DPH6: variants seen among roughly 807,000 people sequenced by gnomAD.
DPH6 encodes the protein diphthamine biosynthesis 6.
Under a neutral mutation model 38.2 loss-of-function variants are expected in DPH6, and 33 were observed. The observed-to-expected ratio is 0.86, with a 90% CI of 0.65 to 1.15. DPH6 has a LOEUF of 1.15. Ranked by LOEUF, DPH6 falls within the 50% of genes most tolerant of loss-of-function variation. DPH6 has a pLI of 0.00. For synonymous variants in DPH6, 108 were observed against 103.0 expected, an observed-to-expected ratio of 1.05 and a Z score of -0.30; for missense variants, 325 against 320.0, an observed-to-expected ratio of 1.02 and a Z score of -0.12.
chr15:35,434,435 A>T (rs2053670489), intron 5 of DPH6, among the ~76,000 whole-genome samples: 1 of 152,236 alleles, frequency 6.6e-6, no homozygotes, highest in African/African-American at 2.4e-5. Flanking sequence ...AAAAGCAGTA[A>T]AACAAAAAAT....
At chr15:35,514,132 A>G (rs919903837) in intron 3 of DPH6, among the ~76,000 whole-genome samples, 1 of 152,078 alleles carries the variant, frequency 6.6e-6, no homozygotes, top group Non-Finnish European at 1.5e-5. Flanking sequence ...AATTAACCAT[A>G]AAGAAGAAAG....
At chr15:35,523,107 A>G (rs1001773394) in intron 3 of DPH6, among the ~76,000 whole-genome samples, 1 of 152,052 alleles carries the variant, frequency 6.6e-6, no homozygotes, top group African/African-American at 2.4e-5. Flanking sequence ...TTGCCAAATT[A>G]CCGTCCAGAA....
chr15:35,545,912 A>T (rs1335843856), intron 1 of DPH6, among the ~76,000 whole-genome samples: 1 of 152,206 alleles, frequency 6.6e-6, no homozygotes, highest in Admixed American at 6.5e-5. Context: ...AGAGAGCGAC[A>T]GACAGGGAGG....
intron 2 of DPH6, 39 bp from the exon 3 acceptor site, chr15:35,538,506 T>C: frequency 7.1e-7 from 1 of 1,418,374 alleles, no homozygotes; most frequent in Non-Finnish European, 9.4e-7. Flanking sequence ...CAAAAGAGAG[T>C]GAAAAAGAAA....
At chr15:35,394,729 C>T (rs1279236846) in intron 6 of DPH6, among the ~76,000 whole-genome samples, 1 of 152,130 alleles carries the variant, frequency 6.6e-6, no homozygotes, top group African/African-American at 2.4e-5. Flanking sequence ...ATGGAGATGA[C>T]AATAGTACCA....
the DPH6 span, among the ~76,000 whole-genome samples, chr15:35,176,632 T>G: frequency 3.3e-5 from 5 of 152,102 alleles, no homozygotes; most frequent in African/African-American, 1.2e-4. Context: ...CCACCACGCC[T>G]GGCTAATTTT....
At chr15:35,514,940 G>T (rs2141223597) in intron 3 of DPH6, among the ~76,000 whole-genome samples, 1 of 152,102 alleles carries the variant, frequency 6.6e-6, no homozygotes, top group African/African-American at 2.4e-5. Context: ...AAAAATATAG[G>T]GAATGTGGAA....
the DPH6 span, among the ~76,000 whole-genome samples, chr15:35,179,241 A>C: frequency 6.7e-6 from 1 of 149,090 alleles, no homozygotes; most frequent in Non-Finnish European, 1.5e-5. Flanking sequence ...AAAAAATGTT[A>C]TGTTAACATT....
In DPH6 at chr15:35,539,665, T is replaced by TA. The variant is rs539406020; in HGVS notation, c.119-1199dup. Among the ~76,000 whole-genome samples the TA allele has an allele frequency of 6.6e-5, 10 of 152,178 alleles. No individual in the cohort carries two copies. In the South Asian group the frequency reaches 1.2e-3, roughly 19 times the overall value. On this transcript the variant is annotated intron_variant, in intron 2 of 8. Transcript: ENST00000256538. Reference sequence around the variant, plus strand: ...ATGGAAAATGTTCACAAAATGCTATTAAAAAAATTACAAAGTAGTTATTTT... The same window carrying TA: ...ATGGAAAATGTTCACAAAATGCTATTAAAAAAAATTACAAAGTAGTTATTTT...
At chr15:35,384,980 A>G (rs2052929705) in intron 6 of DPH6, among the ~76,000 whole-genome samples, 1 of 152,216 alleles carries the variant, frequency 6.6e-6, no homozygotes, top group Non-Finnish European at 1.5e-5. Flanking sequence ...CACTTCTCAA[A>G]AGAAGACATT....
rs76725623 is a variant in DPH6 at position 35,507,913 on chromosome 15, A to G, written c.312+30361T>C. 8.5e-5 allele frequency among the ~76,000 whole-genome samples: 13 copies of G among 152,252 alleles called. No individual in the cohort carries two copies. The East Asian group carries it at 2.3e-3, about 27-fold the overall frequency. On this transcript the variant is annotated intron_variant, in intron 3 of 8. Coordinates refer to ENST00000256538, the MANE Select transcript of DPH6 (RefSeq NM_080650.4). Reference sequence around the variant, plus strand: ...TACACCTATATATACATATACATGTATATGTATAGACATAGGTATGTGTGT... The same window carrying G: ...TACACCTATATATACATATACATGTGTATGTATAGACATAGGTATGTGTGT...
intron 3 of DPH6, among the ~76,000 whole-genome samples, chr15:35,350,241 G>C (rs762738016): frequency 2.1e-4 from 32 of 150,782 alleles, no homozygotes; most frequent in Non-Finnish European, 3.5e-4. Flanking sequence ...GTTGTTTCTA[G>C]AAATCTCTTG....
chr15:35,257,772 T>TTGTGTGTGTGTGTGTGTG (rs60955022), intron 3 of DPH6, among the ~76,000 whole-genome samples: 38 of 148,766 alleles, frequency 2.6e-4, no homozygotes, highest in Middle Eastern at 3.4e-3. Context: ...GGTCTCAGCT[T>TTGTGTGTGTGTGTGTGTG]TGTGTGTGTG....
chr15:35,168,511 G>A, the DPH6 span, among the ~76,000 whole-genome samples: 1 of 151,930 alleles, frequency 6.6e-6, no homozygotes, highest in Non-Finnish European at 1.5e-5. Context: ...TGATGATAAT[G>A]ATGATGGTCA....
chr15:35,470,401 T>C (rs1381717492), intron 3 of DPH6, among the ~76,000 whole-genome samples: 2 of 152,082 alleles, frequency 1.3e-5, no homozygotes, highest in Admixed American at 1.3e-4. Flanking sequence ...AAAAGTTCAC[T>C]GGATTTGGTC....
chr15:35,418,575 T>C (rs897322), intron 5 of DPH6, among the ~76,000 whole-genome samples: 71,771 of 151,936 alleles, frequency 0.47, 21,035 homozygotes, highest in Non-Finnish European at 0.64. Context: ...TGACATCTAT[T>C]TTACTTTACT....
intron 3 of DPH6, among the ~76,000 whole-genome samples, chr15:35,272,512 C>T (rs2051829024): frequency 6.6e-6 from 1 of 152,006 alleles, no homozygotes; most frequent in Non-Finnish European, 1.5e-5. Context: ...GGGCCAAACA[C>T]CCATGGTGTT....
the DPH6 span, among the ~76,000 whole-genome samples, chr15:35,198,293 T>C: frequency 6.6e-6 from 1 of 152,214 alleles, no homozygotes; most frequent in African/African-American, 2.4e-5. Context: ...GAGAATTAAC[T>C]TGCCTCAATT....
chr15:35,401,875 G>A (rs1455415877), intron 6 of DPH6: 2 of 476,530 alleles, frequency 4.2e-6, no homozygotes, highest in East Asian at 5.3e-5. Context: ...AGTGGTGGCA[G>A]GGCCTAGCTG....
Sources: gnomAD v4.1 joint callset for allele counts (sites outside exome capture counted in the v4.1 genomes callset) on GRCh38, gnomAD v4.1.1 for gene constraint, MANE v1.5 for transcripts, NCBI Gene and HGNC (gene_info 2026-07-23, HGNC 2026-07-21) for gene names.